Variants in ARG1 observed in about 807,000 individuals in gnomAD.
The protein encoded by ARG1 is arginase 1.
In ARG1, 20 loss-of-function variants were observed where a neutral mutation model predicts 33.0. The observed-to-expected ratio is 0.61, with a 90% CI of 0.43 to 0.88. The LOEUF (loss-of-function observed/expected upper bound fraction) is 0.88, where lower values mean the gene tolerates loss of function less well. Ranked by LOEUF, ARG1 falls within the 40% of genes least tolerant of loss-of-function variation. The pLI, the probability that ARG1 is intolerant of heterozygous loss-of-function variation, is 0.00. For synonymous variants in ARG1, 146 were observed against 140.6 expected (o/e 1.04, Z -0.27); for missense variants, 374 against 384.7 (o/e 0.97, Z 0.23).
chr6:131,582,707 T>C lies in ARG1; in HGVS notation c.552T>C (p.Pro184=). The C allele has an allele frequency of 6.2e-7, 1 of 1,613,646 alleles. No individual in the cohort carries two copies. The highest frequency in any genetic ancestry group is 1.7e-4 in the Middle Eastern group (1 of 6,060). Residue 184 remains proline, a synonymous_variant, in exon 5 of 8, where the codon CCT becomes CCC. Coordinates refer to ENST00000368087, the MANE Select transcript of ARG1 (RefSeq NM_000045.4). ...IVYIGLRDVD[P]GEHYILKTLG... ...ATATTGGCTTGAGAGACGTGGACCC[T>C]GGGGAACAGTAAGCTTATTCCTTGA...
rs1195028170 is a variant in ARG1 at position 131,584,113 on chromosome 6, T to TCTAA, written c.*208_*211dup. On this transcript the variant is annotated 3_prime_UTR_variant, in exon 8 of 8. Transcript: ENST00000368087. Reference sequence around the variant, plus strand: ...TTTTGAAATTTAAAAGCTTATATTTTCTAACTTGGCAAAAGACTTATCCTT... The same window carrying TCTAA: ...TTTTGAAATTTAAAAGCTTATATTTTCTAACTAACTTGGCAAAAGACTTATCCTT... 5.0e-6 allele frequency: 3 copies of TCTAA among 599,734 alleles called. No individual in the cohort carries two copies. Among genetic ancestry groups the TCTAA allele is most frequent in the Non-Finnish European group, 8.5e-6 (3 of 354,236 alleles). 37.2% of individuals were successfully genotyped at this position (599,734 alleles called of 1,614,324 possible). A position where few individuals can be genotyped will look rare whatever the true frequency, so the allele number is the denominator to read the frequency against.
chr6:131,574,238 T>C lies in ARG1; in HGVS notation c.57+899T>C, dbSNP rs1773504592. ...GATTTTCTCCAGGTTTCTCAGGATC[T>C]GGGCAGCGTTTTGCTTCCTCTTAAT... On this transcript the variant is annotated intron_variant, in intron 1 of 7. Coordinates refer to ENST00000368087, the MANE Select transcript of ARG1 (RefSeq NM_000045.4). The C allele has an allele frequency of 9.3e-6, 15 of 1,608,878 alleles. No individual in the cohort carries two copies. The South Asian group carries it at 1.6e-4, about 18-fold the overall frequency.
rs1774091198 is a variant in ARG1, at chr6:131,584,302, T to G, written c.*394T>G. Reference sequence around the variant, plus strand: ...GTCCATGTCATTCAAAAAATGTGATTTTTTATAATAAACTCTTTATAACAA... The same window carrying G: ...GTCCATGTCATTCAAAAAATGTGATGTTTTATAATAAACTCTTTATAACAA... On this transcript the variant is annotated 3_prime_UTR_variant, in exon 8 of 8. Transcript: ENST00000368087. The G allele has an allele frequency of 1.0e-5, 2 of 200,680 alleles. No individual in the cohort carries two copies. The highest frequency in any genetic ancestry group is 1.8e-4 in the South Asian group (2 of 10,966). 12.4% of individuals were successfully genotyped at this position (200,680 alleles called of 1,614,324 possible).
rs373480378 is a variant in ARG1, at chr6:131,583,851, C to T, written c.912C>T (p.Phe304=). ...NTAVAITLAC[F]GLAREGNHKP... is the part of the protein sequence containing the mutation. ...CAGTTGCAATAACCTTGGCTTGTTT[C>T]GGACTTGCTCGGGAGGGTAATCACA... is the stretch of plus-strand genomic sequence containing the variant. Residue 304 remains phenylalanine, a synonymous_variant, in exon 8 of 8, where the codon TTC becomes TTT. Coordinates refer to ENST00000368087, the MANE Select transcript of ARG1 (RefSeq NM_000045.4). 3.1e-4 allele frequency: 504 copies of T among 1,614,104 alleles called. 5 individuals are homozygous for T. In the South Asian group the frequency reaches 5.0e-3, roughly 16 times the overall value.
At chr6:131,576,154 G>A (rs547605356) in intron 1 of ARG1, among the ~76,000 whole-genome samples, 11 of 152,300 alleles carry the variant, frequency 7.2e-5, no homozygotes, top group African/African-American at 2.6e-4. Flanking sequence ...GTCCCCAACA[G>A]TGTTAAGGGC....
In ARG1 at chr6:131,581,242, GCC is replaced by G. The variant is rs1218794954; in HGVS notation, c.330_331del (p.His111CysfsTer6). On this transcript the variant is annotated frameshift_variant, in exon 4 of 8. Coordinates refer to ENST00000368087, the MANE Select transcript of ARG1 (RefSeq NM_000045.4). LOFTEE classifies it high-confidence loss of function. ...AGTTTGGCAATTGGAAGCATCTCTGGCCATGCCAGGGTCCACCCTGATCTTGG... is the reference window on the plus strand; with the variant it reads ...AGTTTGGCAATTGGAAGCATCTCTGGATGCCAGGGTCCACCCTGATCTTGG... 3 of 1,613,842 alleles carry G rather than the reference GCC, an allele frequency of 1.9e-6. No individual in the cohort carries two copies. The Admixed American group carries it at 5.0e-5, about 27-fold the overall frequency.
intron 3 of ARG1, 102 bp downstream of exon 3, chr6:131,579,387 C>T (rs900788578): frequency 1.5e-6 from 2 of 1,339,260 alleles, no homozygotes; most frequent in East Asian, 5.0e-5. Context: ...AAGCATTGAC[C>T]TATATTTTAT....
At chr6:131,576,567 T>A in intron 1 of ARG1, 96 bp from the exon 2 acceptor site, 1 of 1,195,968 alleles carries the variant, frequency 8.4e-7, no homozygotes, top group Non-Finnish European at 1.2e-6. Flanking sequence ...AAAATGATAG[T>A]TACAGTTCAA....
intron 5 of ARG1, 145 bp from the exon 6 acceptor site, chr6:131,582,909 TTAAAAA>T (rs1386215208): frequency 5.2e-6 from 4 of 764,510 alleles, no homozygotes; most frequent in East Asian, 2.7e-5. Context: ...TGACTTGCTG[TTAAAAA>T]TAAATACAAA....
At position 131,583,755 on chromosome 6, in the gene ARG1, A is replaced by G. The variant is rs1230505073; in HGVS notation, c.816A>G (p.Gly272=). ...EEIYKTGLLS[G]LDIMEVNPSL... ...TTGTTGTTGTAGGGCTACTCTCAGG[A>G]TTAGATATAATGGAAGTGAACCCAT... is the stretch of plus-strand genomic sequence containing the variant. Residue 272 remains glycine (G), a synonymous_variant, in exon 8 of 8, where the codon GGA becomes GGG. Coordinates refer to ENST00000368087, the MANE Select transcript of ARG1 (RefSeq NM_000045.4). The G allele has an allele frequency of 6.2e-7, 1 of 1,613,966 alleles. No individual in the cohort carries two copies. Among genetic ancestry groups the G allele is most frequent in the Non-Finnish European group, 8.5e-7 (1 of 1,179,880 alleles).
intron 4 of ARG1, 73 bp from the exon 5 acceptor site, chr6:131,582,546 ATG>A: frequency 1.8e-6 from 2 of 1,096,582 alleles, no homozygotes; most frequent in South Asian, 1.2e-5. Context: ...GCAATCCAAT[ATG>A]TGTCTTTACC....
chr6:131,583,726 CA>C lies in ARG1; in HGVS notation c.803-14del. ...AACTATTTTATAAATTACATTATTA[CA>C]ATTTGTTGTTGTAGGGCTACTCTCA... On this transcript the variant is annotated splice_polypyrimidine_tract_variant and intron_variant, in intron 7 of 7. Transcript: ENST00000368087. 1 of 1,611,192 alleles carries C rather than the reference CA, an allele frequency of 6.2e-7. No homozygotes were observed.
intron 2 of ARG1, among the ~76,000 whole-genome samples, chr6:131,577,163 CATACAT>C (rs959641330): frequency 1.3e-5 from 2 of 152,184 alleles, no homozygotes; most frequent in African/African-American, 4.8e-5. Context: ...TGTATATATA[CATACAT>C]ATACATAAGC....
intron 1 of ARG1, 66 bp from the exon 2 acceptor site, chr6:131,576,597 G>T (rs1055653258): frequency 2.1e-6 from 3 of 1,434,584 alleles, no homozygotes; most frequent in South Asian, 1.1e-5. Flanking sequence ...TAATGAAAAG[G>T]GTTCCTGCTG....
intron 3 of ARG1, 126 bp downstream of exon 3, chr6:131,579,411 C>A: frequency 8.7e-7 from 1 of 1,146,440 alleles, no homozygotes; most frequent in Non-Finnish European, 1.2e-6. Context: ...AAATTTTCTG[C>A]CTTTAAAAAA....
intron 1 of ARG1, chr6:131,574,366 T>C (rs1773513051): frequency 1.3e-6 from 2 of 1,561,852 alleles, no homozygotes; most frequent in Non-Finnish European, 1.8e-6. Context: ...TAAATACTAC[T>C]TTGCTTCCCC....
rs762633715 is a variant in ARG1 at position 131,581,328 on chromosome 6, A to AACTT, written c.416_419dup (p.His141LeufsTer57). The AACTT allele has an allele frequency of 6.2e-7, 1 of 1,613,940 alleles. No homozygotes were observed. Among genetic ancestry groups the AACTT allele is most frequent in the Non-Finnish European group, 8.5e-7 (1 of 1,179,886 alleles). ...CACTCCACTGACAACCACAAGTGGA[A>AACTT]ACTTGCATGGACAACCTGTATCTTT... On this transcript the variant is annotated frameshift_variant, in exon 4 of 8. Transcript: ENST00000368087. LOFTEE classifies it high-confidence loss of function.
chr6:131,582,064 CTTA>C (rs1311090809), intron 4 of ARG1, among the ~76,000 whole-genome samples: 2 of 152,028 alleles, frequency 1.3e-5, no homozygotes, highest in Admixed American at 1.3e-4. Context: ...ATATTTGGTC[CTTA>C]TGATGATACA....
rs773399859 is a variant in ARG1, at chr6:131,576,653, A to G, written c.58-10A>G. 6.2e-7 allele frequency: 1 copy of G among 1,612,734 alleles called. No individual in the cohort carries two copies. On this transcript the variant is annotated splice_polypyrimidine_tract_variant and intron_variant, in intron 1 of 7. Transcript: ENST00000368087. The stretch of plus-strand genomic sequence containing the variant: ...TAATGTCTGAAGTACTTTATTTTTT[A>G]ATTGTTCAGCCACGAGGAGGGGTGG...
Sources: gnomAD v4.1 joint callset for allele counts (sites outside exome capture counted in the v4.1 genomes callset) on GRCh38, gnomAD v4.1.1 for gene constraint, MANE v1.5 for transcripts, NCBI Gene and HGNC (gene_info 2026-07-23, HGNC 2026-07-21) for gene names.